CALN1: variants seen among roughly 807,000 people sequenced by gnomAD.
CALN1 encodes the protein calcium-binding protein 8.
A neutral mutation model predicts 30.6 loss-of-function variants in CALN1; 17 were observed. The ratio of observed to expected loss-of-function variants is 0.56; its 90% CI spans 0.38 to 0.83. CALN1 has a LOEUF of 0.83. Ranked by LOEUF, CALN1 falls within the 40% of genes least tolerant of loss-of-function variation. The pLI is 0.00. For synonymous variants in CALN1, 156 were observed against 131.4 expected (o/e 1.19, Z -1.28); for missense variants, 291 against 354.9 (o/e 0.82, Z 1.45).
chr7:72,089,629 C>T (rs1805718930), intron 4 of CALN1, among the ~76,000 whole-genome samples: 1 of 152,024 alleles, frequency 6.6e-6, no homozygotes, highest in South Asian at 2.1e-4. Context: ...GTCCCAGTGA[C>T]CACTGCGCAT....
the CALN1 span, among the ~76,000 whole-genome samples, chr7:72,499,839 TTC>T: frequency 4.1e-5 from 1 of 24,446 alleles, no homozygotes; most frequent in Non-Finnish European, 7.2e-5. Context: ...CTTTCTTTCT[TTC>T]TTTCTTTCTT....
intron 2 of CALN1, among the ~76,000 whole-genome samples, chr7:72,385,402 G>A (rs944813332): frequency 6.6e-6 from 1 of 152,080 alleles, no homozygotes; most frequent in East Asian, 1.9e-4. Context: ...CAATTAAGGT[G>A]TCCTTTAATA....
intron 4 of CALN1, among the ~76,000 whole-genome samples, chr7:72,057,583 T>A (rs1803349835): frequency 2.0e-5 from 3 of 152,100 alleles, no homozygotes; most frequent in African/African-American, 7.2e-5. Context: ...CATACGTGTA[T>A]TTTTTCTTCA....
chr7:71,814,556 A>T (rs1188784170), intron 5 of CALN1, among the ~76,000 whole-genome samples: 1 of 152,122 alleles, frequency 6.6e-6, no homozygotes, highest in African/African-American at 2.4e-5. Flanking sequence ...GAGCCTTGAA[A>T]AACATGGGTT....
At chr7:72,252,762 C>T (rs1795649466) in intron 3 of CALN1, among the ~76,000 whole-genome samples, 1 of 152,132 alleles carries the variant, frequency 6.6e-6, no homozygotes. Context: ...TACTCCTACT[C>T]CTGTTCCTGC....
At chr7:71,910,113 C>T (rs1466059832) in intron 5 of CALN1, among the ~76,000 whole-genome samples, 9 of 152,154 alleles carry the variant, frequency 5.9e-5, no homozygotes, top group African/African-American at 1.7e-4. Context: ...CTCCAGCTGG[C>T]CCCACCCTTG....
chr7:72,312,835 A>G (rs1260664721), intron 2 of CALN1, among the ~76,000 whole-genome samples: 1 of 122,586 alleles, frequency 8.2e-6, no homozygotes, highest in Non-Finnish European at 1.9e-5. Context: ...TTGCCCTATC[A>G]TAATTTTTTT....
intron 3 of CALN1, among the ~76,000 whole-genome samples, chr7:72,181,213 G>A (rs2129546122): frequency 6.9e-6 from 1 of 145,608 alleles, no homozygotes; most frequent in East Asian, 2.0e-4. Flanking sequence ...GAAACTTATT[G>A]GAATATATAT....
At chr7:72,432,205 A>G (rs554745168) in intron 1 of CALN1, among the ~76,000 whole-genome samples, 7 of 152,092 alleles carry the variant, frequency 4.6e-5, no homozygotes, top group Non-Finnish European at 8.8e-5. Context: ...TGATGGTTCT[A>G]TAAAGGGCAG....
chr7:72,288,314 C>T (rs1252200049), intron 2 of CALN1, among the ~76,000 whole-genome samples: 1 of 152,122 alleles, frequency 6.6e-6, no homozygotes, highest in South Asian at 2.1e-4. Context: ...TGGGTCTCTC[C>T]ATAGGGCTTC....
chr7:71,858,379 A>G (rs1441461306), intron 5 of CALN1, among the ~76,000 whole-genome samples: 1 of 152,120 alleles, frequency 6.6e-6, no homozygotes, highest in Non-Finnish European at 1.5e-5. Context: ...CTTTATTAGC[A>G]GTGTGAGAAC....
chr7:72,085,695 A>T (rs844727), intron 4 of CALN1, among the ~76,000 whole-genome samples: 113,453 of 152,136 alleles, frequency 0.75, 42,797 homozygotes, highest in East Asian at 1. Context: ...TATTGGAATA[A>T]GTGTTTTACT....
chr7:71,970,689 C>G (rs73366223), intron 5 of CALN1, among the ~76,000 whole-genome samples: 1,974 of 152,106 alleles, frequency 0.013, 44 homozygotes, highest in African/African-American at 0.043. Flanking sequence ...ACTTCGTCCC[C>G]GCGCTTTAAC....
At chr7:72,338,485 G>GTA (rs1802213222) in intron 2 of CALN1, among the ~76,000 whole-genome samples, 1 of 128,058 alleles carries the variant, frequency 7.8e-6, no homozygotes, top group Non-Finnish European at 1.6e-5. Flanking sequence ...GTGTGTGTGT[G>GTA]TGTGTGTGTG....
chr7:72,094,877 T>G (rs574801571), intron 4 of CALN1, among the ~76,000 whole-genome samples: 1 of 152,276 alleles, frequency 6.6e-6, no homozygotes, highest in African/African-American at 2.4e-5. Flanking sequence ...GGCTAGGGTC[T>G]TTCGCCCAAC....
chr7:72,129,416 G>A (rs935581529), intron 3 of CALN1, among the ~76,000 whole-genome samples: 7 of 152,016 alleles, frequency 4.6e-5, no homozygotes, highest in African/African-American at 1.7e-4. Flanking sequence ...TATGAACCAG[G>A]CTAGTGGCTG....
At chr7:72,421,602 A>C (rs1474959616) in intron 1 of CALN1, among the ~76,000 whole-genome samples, 1 of 17,822 alleles carries the variant, frequency 5.6e-5, no homozygotes, top group Non-Finnish European at 1.0e-4. Context: ...TTTTTTTTTT[A>C]GACTAAGTCT....
chr7:71,905,249 T>A (rs193237648), intron 5 of CALN1, among the ~76,000 whole-genome samples: 2 of 152,276 alleles, frequency 1.3e-5, no homozygotes, highest in African/African-American at 4.8e-5. Flanking sequence ...TATTTATTTA[T>A]TTTTTAAAAT....
At chr7:72,488,790 C>A in the CALN1 span, among the ~76,000 whole-genome samples, 1 of 152,146 alleles carries the variant, frequency 6.6e-6, no homozygotes, top group African/African-American at 2.4e-5. Context: ...ATCAACCCAT[C>A]CTCCCTCTTC....
Sources: gnomAD v4.1 joint callset for allele counts (sites outside exome capture counted in the v4.1 genomes callset) on GRCh38, gnomAD v4.1.1 for gene constraint, MANE v1.5 for transcripts, NCBI Gene and HGNC (gene_info 2026-07-23, HGNC 2026-07-21) for gene names.